Variants in ADAM20 observed in about 807,000 individuals in gnomAD.
The protein encoded by ADAM20 is disintegrin and metalloproteinase domain-containing protein 20.
For missense variants in ADAM20, 871 were observed against 883.2 expected, an observed-to-expected ratio of 0.99 and a Z score of 0.18; for synonymous variants, 305 against 310.2, an observed-to-expected ratio of 0.98 and a Z score of 0.18.
At chr14:70,558,863 A>G in the ADAM20 span, among the ~76,000 whole-genome samples, 1 of 152,194 alleles carries the variant, frequency 6.6e-6, no homozygotes, top group African/African-American at 2.4e-5. Flanking sequence ...TCACTTCAGT[A>G]GCTGCTACTT....
the ADAM20 span, among the ~76,000 whole-genome samples, chr14:70,569,885 C>CTAA: frequency 1.3e-5 from 1 of 76,152 alleles, no homozygotes; most frequent in Non-Finnish European, 2.7e-5. Context: ...AGAAAACTAA[C>CTAA]AAAAAAAAAA....
the ADAM20 span, among the ~76,000 whole-genome samples, chr14:70,555,017 G>A: frequency 0.011 from 1,641 of 152,304 alleles, 17 homozygotes; most frequent in African/African-American, 0.037. Flanking sequence ...CTATGTAAAT[G>A]GAGAGGATGA....
In ADAM20 at chr14:70,523,279, G is replaced by A. The variant is rs750033776; in HGVS notation, c.1479C>T (p.Asp493=). ...HQCPDDVYVQ[D]GISCNVNAFC... ...AGGCATTCACATTACAGGAGATCCC[G>A]TCCTGCACATACACATCATCTGGGC... Residue 493 remains aspartate, a synonymous_variant, in exon 2 of 2, where the codon GAC becomes GAT. Coordinates refer to ENST00000256389, the MANE Select transcript of ADAM20 (RefSeq NM_003814.5). The A allele has an allele frequency of 8.7e-5, 140 of 1,613,978 alleles. No homozygotes were observed. In the Admixed American group the frequency reaches 1.9e-3, roughly 22 times the overall value.
intron 1 of ADAM20, among the ~76,000 whole-genome samples, chr14:70,525,259 G>A (rs150160476): frequency 3.3e-5 from 5 of 152,054 alleles, no homozygotes; most frequent in Non-Finnish European, 7.4e-5. Context: ...TGTTGCCCAG[G>A]CTGTAGTGCA....
the ADAM20 span, among the ~76,000 whole-genome samples, chr14:70,542,567 C>A: frequency 6.6e-6 from 1 of 152,190 alleles, no homozygotes; most frequent in Non-Finnish European, 1.5e-5. Flanking sequence ...TTTGATGGTA[C>A]AAATCCATGG....
chr14:70,524,205 C>T lies in ADAM20; in HGVS notation c.553G>A (p.Glu185Lys). The change falls in exon 2 of 2, where the codon GAG (glutamate) becomes AAG (lysine). Residue 185 changes from glutamate to lysine, a missense_variant. Glu to Lys is a moderately conservative substitution (Grantham distance 56). Coordinates refer to ENST00000256389, the MANE Select transcript of ADAM20 (RefSeq NM_003814.5). ...GTGAAATTATATGACAATTGCAACT[C>T]CATCTGGTGTGCTATTTTCTCTTCT... ...LTEEKIAHQM[E>K]LQLSYNFTLK... The T allele has an allele frequency of 6.2e-7, 1 of 1,613,930 alleles. No homozygotes were observed. Among genetic ancestry groups the T allele is most frequent in the East Asian group, 2.2e-5 (1 of 44,870 alleles).
the ADAM20 span, among the ~76,000 whole-genome samples, chr14:70,563,096 T>C: frequency 4.6e-5 from 7 of 152,136 alleles, no homozygotes; most frequent in African/African-American, 1.4e-4. Flanking sequence ...AATTGCCATT[T>C]AGAAATCCAG....
chr14:70,555,717 G>C, the ADAM20 span, among the ~76,000 whole-genome samples: 2 of 152,002 alleles, frequency 1.3e-5, no homozygotes, highest in African/African-American at 4.8e-5. Context: ...GATTCCCTAC[G>C]TTTCTCTCTT....
chr14:70,574,567 G>A, the ADAM20 span, among the ~76,000 whole-genome samples: 4 of 152,014 alleles, frequency 2.6e-5, no homozygotes, highest in Admixed American at 1.3e-4. Context: ...GTGAACCCGG[G>A]AGGCAGAGCT....
chr14:70,566,702 G>A, the ADAM20 span, among the ~76,000 whole-genome samples: 3 of 152,130 alleles, frequency 2.0e-5, no homozygotes, highest in Non-Finnish European at 2.9e-5. Flanking sequence ...GCGGGAGGCC[G>A]GGCGCGGTGG....
the ADAM20 span, among the ~76,000 whole-genome samples, chr14:70,575,785 A>T: frequency 6.6e-6 from 1 of 152,222 alleles, no homozygotes; most frequent in African/African-American, 2.4e-5. Context: ...AGGTATTACC[A>T]GACAACTATA....
At chr14:70,560,785 G>T in the ADAM20 span, among the ~76,000 whole-genome samples, 1 of 152,150 alleles carries the variant, frequency 6.6e-6, no homozygotes, top group South Asian at 2.1e-4. Flanking sequence ...CACCATGATT[G>T]TAAGTTTCCT....
chr14:70,564,109 T>C, the ADAM20 span, among the ~76,000 whole-genome samples: 2,612 of 152,306 alleles, frequency 0.017, 70 homozygotes, highest in African/African-American at 0.058. Context: ...TTCTGTCATC[T>C]CACATTTGAA....
At chr14:70,578,735 T>A in the ADAM20 span, among the ~76,000 whole-genome samples, 14 of 152,106 alleles carry the variant, frequency 9.2e-5, no homozygotes, top group African/African-American at 3.4e-4. Context: ...ACATGGGGGT[T>A]TGATACAAGG....
Position 70,524,199 on chromosome 14 carries a change from G to A in ADAM20, c.559C>T (p.Gln187Ter). 1 of 1,613,834 alleles carries A rather than the reference G, an allele frequency of 6.2e-7. No individual in the cohort carries two copies. The highest frequency in any genetic ancestry group is 1.1e-5 in the South Asian group (1 of 91,060). ...TTCAGAGTGAAATTATATGACAATT[G>A]CAACTCCATCTGGTGTGCTATTTTC... is the stretch of plus-strand genomic sequence containing the variant. ...EEKIAHQMELQLSYNFTLKQS... is the reference protein window; with the variant it reads ...EEKIAHQMEL The change falls in exon 2 of 2, where the codon CAA becomes TAA. Residue 187 changes from glutamine (Q) to a stop codon, truncating the protein, a stop_gained. Transcript: ENST00000256389. LOFTEE classifies it low-confidence loss of function (END_TRUNC).
chr14:70,544,147 C>A, the ADAM20 span, among the ~76,000 whole-genome samples: 1 of 152,078 alleles, frequency 6.6e-6, no homozygotes, highest in African/African-American at 2.4e-5. Flanking sequence ...ACTTCTCCCC[C>A]ACACAGAAAC....
intron 1 of ADAM20, among the ~76,000 whole-genome samples, chr14:70,534,520 C>A (rs781247204): frequency 2.6e-5 from 4 of 152,076 alleles, no homozygotes; most frequent in Non-Finnish European, 4.4e-5. Flanking sequence ...ATATGCTACA[C>A]CATGGATGAG....
chr14:70,571,087 T>C, the ADAM20 span, among the ~76,000 whole-genome samples: 1 of 152,142 alleles, frequency 6.6e-6, no homozygotes, highest in African/African-American at 2.4e-5. Flanking sequence ...AAACTGGACA[T>C]CGAAGGAACA....
the ADAM20 span, among the ~76,000 whole-genome samples, chr14:70,546,276 T>C: frequency 6.6e-6 from 1 of 152,146 alleles, no homozygotes. Context: ...TCAGTTAATT[T>C]AGAAAGTTTA....
Sources: gnomAD v4.1 joint callset for allele counts (sites outside exome capture counted in the v4.1 genomes callset) on GRCh38, gnomAD v4.1.1 for gene constraint, MANE v1.5 for transcripts, NCBI Gene and HGNC (gene_info 2026-07-23, HGNC 2026-07-21) for gene names.